Variants in KCNH7 observed in about 807,000 individuals in gnomAD.
The protein encoded by KCNH7 is potassium voltage-gated channel subfamily H member 7, also known as voltage-gated inwardly rectifying potassium channel KCNH7.
A neutral mutation model predicts 120.8 loss-of-function variants in KCNH7; 49 were observed. The observed-to-expected ratio is 0.41, with a 90% CI of 0.32 to 0.51. KCNH7 has a LOEUF of 0.51. Ranked by LOEUF, KCNH7 falls within the 20% of genes least tolerant of loss-of-function variation. The pLI, the probability that KCNH7 is intolerant of heterozygous loss-of-function variation, is 0.38. For missense variants in KCNH7, 1,097 were observed against 1,446.6 expected, an observed-to-expected ratio of 0.76 and a Z score of 3.92; for synonymous variants, 547 against 516.1, an observed-to-expected ratio of 1.06 and a Z score of -0.81.
intron 9 of KCNH7, among the ~76,000 whole-genome samples, chr2:162,413,632 T>G (rs1687456455): frequency 6.6e-6 from 1 of 152,148 alleles, no homozygotes; most frequent in African/African-American, 2.4e-5. Context: ...TTCAAACAGA[T>G]TGTGGAGTTT....
At chr2:162,536,701 T>G (rs1692120289) in intron 3 of KCNH7, among the ~76,000 whole-genome samples, 1 of 152,016 alleles carries the variant, frequency 6.6e-6, no homozygotes, top group Non-Finnish European at 1.5e-5. Flanking sequence ...GTCAGGGGAC[T>G]GGTTAAATAC....
chr2:162,560,259 G>A (rs554254416), intron 2 of KCNH7, among the ~76,000 whole-genome samples: 40 of 152,268 alleles, frequency 2.6e-4, no homozygotes, highest in African/African-American at 7.7e-4. Context: ...TTTTTCTGCC[G>A]TTTCAAATTT....
intron 2 of KCNH7, among the ~76,000 whole-genome samples, chr2:162,651,625 C>G (rs1319547778): frequency 6.6e-6 from 1 of 152,046 alleles, no homozygotes; most frequent in Admixed American, 6.6e-5. Context: ...TGTGTCGATT[C>G]CATGTCTTTG....
At chr2:162,545,160 T>C (rs1026022716) in intron 2 of KCNH7, among the ~76,000 whole-genome samples, 5 of 152,182 alleles carry the variant, frequency 3.3e-5, no homozygotes, top group African/African-American at 9.7e-5. Context: ...CAGATATTAC[T>C]GGAAAGGGCT....
chr2:162,512,686 A>G lies in KCNH7; in HGVS notation c.893-12T>C. 1 of 1,603,174 alleles carries G rather than the reference A, an allele frequency of 6.2e-7. No homozygotes were observed. Among genetic ancestry groups the G allele is most frequent in the Non-Finnish European group, 8.5e-7 (1 of 1,172,152 alleles). On this transcript the variant is annotated splice_polypyrimidine_tract_variant and intron_variant, in intron 4 of 15. Transcript: ENST00000332142. ...ATTGCGACCATTGTCTGTTTTGAGCACATAAGGATAAAAAAAGAGAAATAT... is the reference window on the plus strand; with the variant it reads ...ATTGCGACCATTGTCTGTTTTGAGCGCATAAGGATAAAAAAAGAGAAATAT...
At chr2:162,692,039 A>G (rs560892690) in intron 2 of KCNH7, among the ~76,000 whole-genome samples, 1 of 152,258 alleles carries the variant, frequency 6.6e-6, no homozygotes, top group African/African-American at 2.4e-5. Flanking sequence ...AGTTCTGCAA[A>G]TATGATAACC....
chr2:162,650,320 A>AT (rs985259011), intron 2 of KCNH7, among the ~76,000 whole-genome samples: 35 of 152,248 alleles, frequency 2.3e-4, no homozygotes, highest in Admixed American at 7.2e-4. Context: ...GTTAAAAATG[A>AT]TTTTTTTGTG....
intron 2 of KCNH7, among the ~76,000 whole-genome samples, chr2:162,692,121 T>C (rs957528033): frequency 7.5e-5 from 11 of 146,588 alleles, no homozygotes; most frequent in African/African-American, 2.7e-4. Context: ...CAAACAACAT[T>C]GAGTTTTTTT....
chr2:162,406,494 G>A (rs1027624071), intron 9 of KCNH7, among the ~76,000 whole-genome samples: 3 of 151,856 alleles, frequency 2.0e-5, no homozygotes, highest in Admixed American at 6.6e-5. Flanking sequence ...TGACTTTGGC[G>A]GCTGTGATAA....
intron 2 of KCNH7, among the ~76,000 whole-genome samples, chr2:162,693,507 G>T (rs1319093269): frequency 6.6e-6 from 1 of 152,158 alleles, no homozygotes; most frequent in Non-Finnish European, 1.5e-5. Context: ...TGATGTGGAA[G>T]AATTATTCTA....
intron 2 of KCNH7, among the ~76,000 whole-genome samples, chr2:162,652,919 TA>T (rs1193747824): frequency 6.6e-6 from 1 of 152,228 alleles, no homozygotes; most frequent in Non-Finnish European, 1.5e-5. Flanking sequence ...TGAATCTGGA[TA>T]AAACCTTCTT....
chr2:162,753,301 A>G (rs955399301), intron 2 of KCNH7, among the ~76,000 whole-genome samples: 16 of 152,128 alleles, frequency 1.1e-4, no homozygotes, highest in Non-Finnish European at 2.4e-4. Context: ...TGTGGAAGAT[A>G]CTCACATATA....
chr2:162,800,301 T>C (rs1423471916), intron 2 of KCNH7, among the ~76,000 whole-genome samples: 1 of 151,842 alleles, frequency 6.6e-6, no homozygotes, highest in Non-Finnish European at 1.5e-5. Flanking sequence ...ACGGGAAATA[T>C]TTATGTTAAA....
At chr2:162,444,889 C>A (rs1341265714) in intron 7 of KCNH7, among the ~76,000 whole-genome samples, 3 of 151,286 alleles carry the variant, frequency 2.0e-5, no homozygotes, top group African/African-American at 7.3e-5. Flanking sequence ...TTTGCTGAGT[C>A]ACATGTACTA....
chr2:162,574,177 C>T (rs1351826065), intron 2 of KCNH7, among the ~76,000 whole-genome samples: 2 of 151,932 alleles, frequency 1.3e-5, no homozygotes, highest in Admixed American at 1.3e-4. Context: ...ATATTTGTCA[C>T]TGGACACTGC....
chr2:162,836,610 A>G lies in KCNH7; in HGVS notation c.234T>C (p.Asp78=), dbSNP rs778896513. 1 of 1,614,132 alleles carries G rather than the reference A, an allele frequency of 6.2e-7. No homozygotes were observed. Among genetic ancestry groups the G allele is most frequent in the South Asian group, 1.1e-5 (1 of 91,074 alleles). ...FLHGPETKRH[D]IAQIAQALLG... ...GCAATGCCTGGGCAATTTGGGCAAT[A>G]TCATGCCTCTTGGTCTCGGGTCCAT... Residue 78 remains aspartate, a synonymous_variant, in exon 2 of 16, where the codon GAT becomes GAC. Coordinates refer to ENST00000332142, the MANE Select transcript of KCNH7 (RefSeq NM_033272.4).
Position 162,577,286 on chromosome 2 carries a change from T to G in KCNH7, c.308-40206A>C, listed in dbSNP as rs112588041. Reference sequence around the variant, plus strand: ...ACATCAAAGCATTAACAGATAGATCTATCTGTCTATCTATCTATCTATCTA... The same window carrying G: ...ACATCAAAGCATTAACAGATAGATCGATCTGTCTATCTATCTATCTATCTA... On this transcript the variant is annotated intron_variant, in intron 2 of 15. Coordinates refer to ENST00000332142, the MANE Select transcript of KCNH7 (RefSeq NM_033272.4). Among the ~76,000 whole-genome samples the G allele has an allele frequency of 3.3e-4, 39 of 119,566 alleles. 1 individual carries two copies. Among genetic ancestry groups the G allele is most frequent in the East Asian group, 1.7e-3 (7 of 4,112 alleles). The allele number at this position is 119,566 out of a possible 152,430, so 78.4% of individuals were successfully genotyped here. A position where few individuals can be genotyped will look rare whatever the true frequency, so the allele number is the denominator to read the frequency against.
At chr2:162,594,725 T>G (rs966281456) in intron 2 of KCNH7, among the ~76,000 whole-genome samples, 1 of 151,982 alleles carries the variant, frequency 6.6e-6, no homozygotes, top group African/African-American at 2.4e-5. Context: ...TAACAACAAT[T>G]TACATAGTAT....
intron 12 of KCNH7, among the ~76,000 whole-genome samples, chr2:162,387,521 AATAATATT>A (rs147447163): frequency 0.013 from 1,956 of 151,674 alleles, 39 homozygotes; most frequent in African/African-American, 0.044. Context: ...TCTATGTAGA[AATAATATT>A]CTAAGGGCAG....
Sources: allele counts gnomAD v4.1 joint callset (sites outside exome capture counted in the v4.1 genomes callset), GRCh38; gene constraint gnomAD v4.1.1; transcripts MANE v1.5; gene names NCBI Gene and HGNC (gene_info 2026-07-23, HGNC 2026-07-21).